NSG1: variants seen among roughly 807,000 people sequenced by gnomAD.
NSG1 encodes neuronal vesicle trafficking associated 1, also known as neuronal vesicle trafficking-associated protein 1.
Under a neutral mutation model 19.3 loss-of-function variants are expected in NSG1, and 9 were observed. The observed-to-expected ratio is 0.47, with a 90% confidence interval of 0.28 to 0.81. NSG1 has a LOEUF of 0.81. Among genes scored for constraint, NSG1 ranks in the 40% least tolerant of loss-of-function variants. The pLI, the probability that NSG1 is intolerant of heterozygous loss-of-function variation, is 0.11. For missense variants in NSG1, 236 were observed against 242.4 expected (o/e 0.97, Z 0.18); for synonymous variants, 104 against 107.0 (o/e 0.97, Z 0.17).
intron 4 of NSG1, among the ~76,000 whole-genome samples, 168 bp downstream of exon 4, chr4:4,409,851 G>C (rs983470304): frequency 1.3e-5 from 2 of 152,216 alleles, no homozygotes; most frequent in African/African-American, 2.4e-5. Context: ...CACCTGGAGA[G>C]CAGGGCAGGT....
Position 4,408,376 on chromosome 4 carries a change from A to G in NSG1, c.247-1197A>G, listed in dbSNP as rs539978202. Among the ~76,000 whole-genome samples, 463 of 152,306 alleles carry G rather than the reference A, an allele frequency of 3.0e-3. 3 individuals carry two copies. The highest frequency in any genetic ancestry group is 0.01 in the African/African-American group (430 of 41,572). ...GCCCTGCCACGTGCTGGCACCTGGC[A>G]TCCTCCCACCCGGCCAGGGAGCCCC... On this transcript the variant is annotated intron_variant, in intron 3 of 4. Coordinates refer to ENST00000621129, the MANE Select transcript of NSG1 (RefSeq NM_014392.5).
intron 4 of NSG1, among the ~76,000 whole-genome samples, chr4:4,416,961 A>C (rs1459494553): frequency 1.3e-5 from 2 of 152,160 alleles, no homozygotes; most frequent in African/African-American, 4.8e-5. Context: ...ATCTTCAGTG[A>C]AGTAAGGCCT....
At chr4:4,407,286 G>C (rs1344738622) in intron 3 of NSG1, among the ~76,000 whole-genome samples, 1 of 152,218 alleles carries the variant, frequency 6.6e-6, no homozygotes, top group Non-Finnish European at 1.5e-5. Context: ...CCTGCTCAGA[G>C]GGGATGTGAA....
At chr4:4,403,529 TA>T (rs1447134135) in intron 3 of NSG1, among the ~76,000 whole-genome samples, 12 of 152,342 alleles carry the variant, frequency 7.9e-5, no homozygotes, top group Middle Eastern at 3.4e-3. Context: ...GCTCCCCTGC[TA>T]GGAGGACACC....
chr4:4,414,544 C>T (rs1251380615), intron 4 of NSG1, among the ~76,000 whole-genome samples: 3 of 152,198 alleles, frequency 2.0e-5, no homozygotes, highest in African/African-American at 7.2e-5. Flanking sequence ...GTCCCCTTGA[C>T]CTCTTCCCTC....
chr4:4,409,230 C>T (rs76972423), intron 3 of NSG1, among the ~76,000 whole-genome samples: 2,267 of 152,364 alleles, frequency 0.015, 60 homozygotes, highest in African/African-American at 0.051. Context: ...GCAGCCCAAC[C>T]CCACTTCTCA....
Position 4,387,696 on chromosome 4 carries a change from G to T in NSG1, c.67G>T (p.Asp23Tyr). ...GCAGCCGCTGCTGGAGGATGGCTTC[G>T]ACACCATTCCCCTGATGACGCCCCT... ...TKQPLLEDGF[D>Y]TIPLMTPLDV... is the part of the protein sequence containing the mutation. The change falls in exon 2 of 5, where the codon GAC becomes TAC. Residue 23 changes from aspartate (D) to tyrosine (Y), a missense_variant. Physicochemically the swap from Asp to Tyr is radical, Grantham distance 160. Transcript: ENST00000621129. 1 of 1,613,832 alleles carries T rather than the reference G, an allele frequency of 6.2e-7. No individual in the cohort carries two copies. Among genetic ancestry groups the T allele is most frequent in the Non-Finnish European group, 8.5e-7 (1 of 1,179,832 alleles).
At chr4:4,415,937 TG>T (rs1724506942) in intron 4 of NSG1, 4 of 606,028 alleles carry the variant, frequency 6.6e-6, no homozygotes, top group Non-Finnish European at 5.9e-6. Context: ...CTGAATGGGC[TG>T]TTTGTTCTGT....
chr4:4,403,633 AT>A (rs1253175333), intron 3 of NSG1, among the ~76,000 whole-genome samples: 1 of 152,040 alleles, frequency 6.6e-6, no homozygotes, highest in African/African-American at 2.4e-5. Flanking sequence ...CCCTTACCAT[AT>A]ACATTTCCGG....
chr4:4,395,099 A>G (rs1723185113), intron 3 of NSG1, among the ~76,000 whole-genome samples: 1 of 152,194 alleles, frequency 6.6e-6, no homozygotes, highest in South Asian at 2.1e-4. Context: ...TTCTAAGGGC[A>G]TCTCTTCTCT....
intron 3 of NSG1, among the ~76,000 whole-genome samples, chr4:4,400,236 G>A (rs2108737124): frequency 6.6e-6 from 1 of 152,314 alleles, no homozygotes; most frequent in South Asian, 2.1e-4. Flanking sequence ...TGAATGAATG[G>A]TCTTGGCCCC....
At chr4:4,398,153 C>G (rs1425092576) in intron 3 of NSG1, among the ~76,000 whole-genome samples, 2 of 152,086 alleles carry the variant, frequency 1.3e-5, no homozygotes, top group Non-Finnish European at 2.9e-5. Context: ...TGGGGTTTCA[C>G]TATCTTGGCC....
intron 3 of NSG1, among the ~76,000 whole-genome samples, chr4:4,405,139 A>G (rs944750027): frequency 6.6e-5 from 10 of 152,220 alleles, no homozygotes; most frequent in African/African-American, 2.4e-4. Context: ...GGAAACCTGC[A>G]GGGGAGACTC....
chr4:4,388,466 C>T (rs753314180), intron 2 of NSG1, among the ~76,000 whole-genome samples: 3 of 152,204 alleles, frequency 2.0e-5, no homozygotes, highest in African/African-American at 4.8e-5. Context: ...TAAGTAGTTT[C>T]TGTTTGCTAA....
Position 4,415,062 on chromosome 4 carries a change from A to C in NSG1, c.358-2173A>C, listed in dbSNP as rs80332663. Reference sequence around the variant, plus strand: ...TTTTTATACTGGCTTTTCCCTTTATATTGGCCATTCTTTTTTTTCATGTAG... The same window carrying C: ...TTTTTATACTGGCTTTTCCCTTTATCTTGGCCATTCTTTTTTTTCATGTAG... On this transcript the variant is annotated intron_variant, in intron 4 of 4. Coordinates refer to ENST00000621129, the MANE Select transcript of NSG1 (RefSeq NM_014392.5). 7.0e-3 allele frequency among the ~76,000 whole-genome samples: 1,059 copies of C among 152,078 alleles called. 12 individuals are homozygous for C. Among genetic ancestry groups the C allele is most frequent in the African/African-American group, 0.024 (1,009 of 41,500 alleles).
chr4:4,387,026 G>C (rs933892982), upstream of NSG1: 1 of 152,100 alleles, frequency 6.6e-6, no homozygotes, highest in South Asian at 2.1e-4. Context: ...GGGAGGCGGC[G>C]GCGCGAGGAG....
chr4:4,417,925 TA>T lies in NSG1; in HGVS notation c.*492del, dbSNP rs1467179755. 1.6e-5 allele frequency: 3 copies of T among 187,730 alleles called. No homozygotes were observed. The highest frequency in any genetic ancestry group is 7.2e-5 in the African/African-American group (3 of 41,758). 11.6% of individuals were successfully genotyped at this position (187,730 alleles called of 1,614,324 possible). A position where few individuals can be genotyped will look rare whatever the true frequency, so the allele number is the denominator to read the frequency against. On this transcript the variant is annotated 3_prime_UTR_variant, in exon 5 of 5. Coordinates refer to ENST00000621129, the MANE Select transcript of NSG1 (RefSeq NM_014392.5). ...TGACTGCTGCCAAGGTGCACTGTAG[TA>T]AGTAAGTGGCATAGAGAACGAGGAA...
intron 3 of NSG1, among the ~76,000 whole-genome samples, chr4:4,395,456 T>C (rs191565543): frequency 1.5e-4 from 23 of 152,324 alleles, no homozygotes; most frequent in African/African-American, 5.1e-4. Flanking sequence ...CAGCTTTTTA[T>C]TACCCAGTTA....
chr4:4,389,143 T>C (rs1286659586), intron 2 of NSG1, among the ~76,000 whole-genome samples: 10 of 152,242 alleles, frequency 6.6e-5, no homozygotes, highest in African/African-American at 2.4e-4. Context: ...AGCACCTCTA[T>C]CAGGTGATTC....
Sources: allele counts gnomAD v4.1 joint callset (sites outside exome capture counted in the v4.1 genomes callset), GRCh38; gene constraint gnomAD v4.1.1; transcripts MANE v1.5; gene names NCBI Gene and HGNC (gene_info 2026-07-23, HGNC 2026-07-21).